The following STARD3NL variants were observed in gnomAD, a reference collection of about 807,000 sequenced individuals.
The protein encoded by STARD3NL is STARD3 N-terminal like.
A neutral mutation model predicts 30.9 loss-of-function variants in STARD3NL; 17 were observed. The ratio of observed to expected loss-of-function variants is 0.55; its 90% CI spans 0.38 to 0.82. The LOEUF is 0.82. STARD3NL is among the 40% of genes least tolerant of loss of function. STARD3NL has a pLI of 0.00. For synonymous variants in STARD3NL, 112 were observed against 100.5 expected (o/e 1.11, Z -0.69); for missense variants, 234 against 277.6 (o/e 0.84, Z 1.12).
At chr7:38,180,643 A>C (rs1784209542) in intron 1 of STARD3NL, among the ~76,000 whole-genome samples, 1 of 152,220 alleles carries the variant, frequency 6.6e-6, no homozygotes, top group African/African-American at 2.4e-5. Flanking sequence ...GCTAGTACTG[A>C]TGGAGCTTGT....
At chr7:38,189,940 A>T (rs1466169171) in intron 1 of STARD3NL, among the ~76,000 whole-genome samples, 1 of 152,100 alleles carries the variant, frequency 6.6e-6, no homozygotes, top group Admixed American at 6.5e-5. Flanking sequence ...GTTTTTGAGG[A>T]TGTTTGGTTT....
At chr7:38,206,961 C>T (rs1364221075) in intron 1 of STARD3NL, among the ~76,000 whole-genome samples, 4 of 152,088 alleles carry the variant, frequency 2.6e-5, no homozygotes, top group African/African-American at 9.7e-5. Context: ...TTTGTACAGA[C>T]AGGACCTTGC....
rs1250628360 is a variant in STARD3NL at position 38,178,417 on chromosome 7, T to C, written c.-62T>C. 2 of 152,124 alleles carry C rather than the reference T, an allele frequency of 1.3e-5. No homozygotes were observed. Among genetic ancestry groups the C allele is most frequent in the Non-Finnish European group, 2.9e-5 (2 of 68,036 alleles). 9.4% of individuals were successfully genotyped at this position (152,124 alleles called of 1,614,324 possible). ...GGGCGGCCGGCCAGGAACCACCCGT[T>C]AAGGTAGGCTGGGTTTCTCGTTCCC... On this transcript the variant is annotated 5_prime_UTR_variant, in exon 1 of 9. Transcript: ENST00000009041.
At position 38,191,836 on chromosome 7, in the gene STARD3NL, T is replaced by A. The variant is rs189568731; in HGVS notation, c.-59+13416T>A. On this transcript the variant is annotated intron_variant, in intron 1 of 8. Transcript: ENST00000009041. ...TAATGTGTCTTCTATTTTTGTTCTT[T>A]TCCCAGATTGCTTTGGACAGGCTTA... is the stretch of plus-strand genomic sequence containing the variant. Among the ~76,000 whole-genome samples, 11 of 152,288 alleles carry A rather than the reference T, an allele frequency of 7.2e-5. No individual in the cohort carries two copies. In the East Asian group the frequency reaches 2.1e-3, roughly 29 times the overall value.
chr7:38,217,859 G>A (rs572386456), intron 6 of STARD3NL, among the ~76,000 whole-genome samples: 211 of 152,276 alleles, frequency 1.4e-3, no homozygotes, highest in African/African-American at 4.7e-3. Flanking sequence ...GGTTTAGGAT[G>A]AAGATTATTC....
At chr7:38,183,624 C>T (rs966584179) in intron 1 of STARD3NL, among the ~76,000 whole-genome samples, 3 of 152,010 alleles carry the variant, frequency 2.0e-5, no homozygotes, top group African/African-American at 7.3e-5. Context: ...AGAAAGATTA[C>T]CAATTTAGTT....
rs146907554 is a variant in STARD3NL, at chr7:38,195,124, C to T, written c.-58-12323C>T. On this transcript the variant is annotated intron_variant, in intron 1 of 8. Transcript: ENST00000009041. ...CCAGGCTGGAGTGCAGTGGCACAGT[C>T]TCGGCTCACTGCAACCTCTGCCTCC... 4.0e-3 allele frequency among the ~76,000 whole-genome samples: 612 copies of T among 152,246 alleles called. 8 individuals carry two copies. In the East Asian group the frequency reaches 0.049, roughly 12 times the overall value.
intron 6 of STARD3NL, among the ~76,000 whole-genome samples, chr7:38,218,934 A>C (rs1786286978): frequency 6.6e-6 from 1 of 152,176 alleles, no homozygotes; most frequent in Admixed American, 6.5e-5. Flanking sequence ...GCATCTCTCT[A>C]ACCAGATGTA....
At chr7:38,184,732 A>ACT in intron 1 of STARD3NL, among the ~76,000 whole-genome samples, 1 of 146,360 alleles carries the variant, frequency 6.8e-6, no homozygotes, top group Non-Finnish European at 1.5e-5. Context: ...TAACCCATAT[A>ACT]GTATATAACA....
intron 7 of STARD3NL, among the ~76,000 whole-genome samples, chr7:38,227,417 C>T (rs1254126860): frequency 6.6e-6 from 1 of 152,196 alleles, no homozygotes; most frequent in Non-Finnish European, 1.5e-5. Context: ...CATTTTACTA[C>T]AAATTCAACC....
chr7:38,211,639 C>G (rs1463156903), intron 2 of STARD3NL, among the ~76,000 whole-genome samples: 2 of 152,148 alleles, frequency 1.3e-5, no homozygotes, highest in Non-Finnish European at 2.9e-5. Flanking sequence ...GTTACAGATT[C>G]TGGAGCAGAT....
chr7:38,187,415 C>T (rs1784507348), intron 1 of STARD3NL, among the ~76,000 whole-genome samples: 1 of 152,052 alleles, frequency 6.6e-6, no homozygotes, highest in African/African-American at 2.4e-5. Context: ...TCAGTCATTC[C>T]CTTGTATTAT....
intron 1 of STARD3NL, among the ~76,000 whole-genome samples, chr7:38,186,996 G>A (rs532936156): frequency 2.0e-5 from 3 of 151,850 alleles, no homozygotes; most frequent in African/African-American, 7.2e-5. Flanking sequence ...CGTTGTTTCA[G>A]TTACTTTGGG....
At chr7:38,228,185 T>A (rs1482186961) in intron 7 of STARD3NL, among the ~76,000 whole-genome samples, 1 of 152,268 alleles carries the variant, frequency 6.6e-6, no homozygotes, top group Admixed American at 6.5e-5. Flanking sequence ...CTTTCTTCTA[T>A]TCTCAGACAC....
chr7:38,179,260 T>C (rs1396577913), intron 1 of STARD3NL: 1 of 152,236 alleles, frequency 6.6e-6, no homozygotes, highest in Non-Finnish European at 1.5e-5. Context: ...TATCTACCCA[T>C]ACGCCTCTTT....
chr7:38,193,008 G>A (rs1025975148), intron 1 of STARD3NL, among the ~76,000 whole-genome samples: 1 of 151,726 alleles, frequency 6.6e-6, no homozygotes, highest in Non-Finnish European at 1.5e-5. Flanking sequence ...CTCTCTATGT[G>A]TTTCTCTGTG....
At chr7:38,204,247 T>A (rs1785330916) in intron 1 of STARD3NL, among the ~76,000 whole-genome samples, 3 of 152,270 alleles carry the variant, frequency 2.0e-5, no homozygotes, top group South Asian at 2.1e-4. Context: ...AAAGCACTCC[T>A]CAGCAAATGT....
chr7:38,199,372 A>T (rs559776668), intron 1 of STARD3NL, among the ~76,000 whole-genome samples: 1 of 152,374 alleles, frequency 6.6e-6, no homozygotes, highest in Non-Finnish European at 1.5e-5. Context: ...CCTGAATTCA[A>T]CAGAGATTGC....
At chr7:38,191,520 A>G (rs1784685920) in intron 1 of STARD3NL, among the ~76,000 whole-genome samples, 2 of 152,090 alleles carry the variant, frequency 1.3e-5, no homozygotes, top group Admixed American at 6.5e-5. Context: ...TGTATTTTTA[A>G]TTTTTACGTT....
Sources: allele counts gnomAD v4.1 joint callset (sites outside exome capture counted in the v4.1 genomes callset), GRCh38; gene constraint gnomAD v4.1.1; transcripts MANE v1.5; gene names NCBI Gene and HGNC (gene_info 2026-07-23, HGNC 2026-07-21).